Variants in CELF4 observed in about 807,000 individuals in gnomAD.
CELF4 encodes the protein CUGBP Elav-like family member 4.
A neutral mutation model predicts 59.9 loss-of-function variants in CELF4; 18 were observed. The observed-to-expected ratio is 0.30, with a 90% CI of 0.21 to 0.45. The LOEUF (loss-of-function observed/expected upper bound fraction) is 0.45. CELF4 is among the 20% of genes least tolerant of loss of function. CELF4 has a pLI of 1.00. For missense variants in CELF4, 456 were observed against 689.0 expected, an observed-to-expected ratio of 0.66 and a Z score of 3.79; for synonymous variants, 261 against 267.1, an observed-to-expected ratio of 0.98 and a Z score of 0.22.
chr18:37,313,294 G>C (rs1279191696), intron 3 of CELF4, among the ~76,000 whole-genome samples: 1 of 152,182 alleles, frequency 6.6e-6, no homozygotes, highest in East Asian at 1.9e-4. Flanking sequence ...CAGCCCTCTG[G>C]ATGTTTCTCT....
chr18:37,275,350 C>G lies in CELF4; in HGVS notation c.449-107G>C. 3.6e-5 allele frequency: 15 copies of G among 411,612 alleles called. No individual in the cohort carries two copies. The South Asian group carries it at 5.1e-4, about 14-fold the overall frequency. The allele number at this position is 411,612 out of a possible 1,614,324, so 25.5% of individuals were successfully genotyped here. ...CAGGGAAAGGGAGGAGCCGGGGAGG[C>G]GGGGCGGGGGCTCGGAGCCGGCGGG... On this transcript the variant is annotated intron_variant, in intron 3 of 12. Transcript: ENST00000420428.
At chr18:37,408,459 G>GTTTTT (rs5824056) in intron 2 of CELF4, among the ~76,000 whole-genome samples, 11 of 126,836 alleles carry the variant, frequency 8.7e-5, no homozygotes, top group Admixed American at 1.8e-4. Flanking sequence ...AATCAAGAAG[G>GTTTTT]TTTTTTTTTT....
At chr18:37,399,718 C>T (rs1207691205) in intron 2 of CELF4, among the ~76,000 whole-genome samples, 1 of 152,210 alleles carries the variant, frequency 6.6e-6, no homozygotes, top group Non-Finnish European at 1.5e-5. Flanking sequence ...TGGAGGCAGG[C>T]AGGCAAAAAT....
chr18:37,260,325 C>A (rs1317003895), intron 10 of CELF4, among the ~76,000 whole-genome samples: 1 of 152,202 alleles, frequency 6.6e-6, no homozygotes, highest in Admixed American at 6.5e-5. Context: ...TCAAAATGCT[C>A]AATTTTAACT....
chr18:37,382,401 GAC>G (rs143051901), intron 2 of CELF4, among the ~76,000 whole-genome samples: 1 of 152,146 alleles, frequency 6.6e-6, no homozygotes, highest in African/African-American at 2.4e-5. Flanking sequence ...CTGCCCTCCT[GAC>G]ACACACACAG....
chr18:37,305,747 G>A (rs2096357882), intron 3 of CELF4: 1 of 152,238 alleles, frequency 6.6e-6, no homozygotes, highest in African/African-American at 2.4e-5. Flanking sequence ...GTCATGGTCT[G>A]GGGGAAAAAG....
intron 2 of CELF4, among the ~76,000 whole-genome samples, chr18:37,341,350 G>A (rs533084823): frequency 6.6e-6 from 1 of 152,324 alleles, no homozygotes; most frequent in South Asian, 2.1e-4. Context: ...TGCTGACAGT[G>A]GGAGTGGTCT....
chr18:37,357,896 C>T (rs541721897), intron 2 of CELF4, among the ~76,000 whole-genome samples: 45 of 152,308 alleles, frequency 3.0e-4, no homozygotes, highest in African/African-American at 9.9e-4. Context: ...TGGCCAATTT[C>T]TCCCATTTGG....
chr18:37,350,111 T>C (rs1420359096), intron 2 of CELF4, among the ~76,000 whole-genome samples: 1 of 151,972 alleles, frequency 6.6e-6, no homozygotes, highest in Non-Finnish European at 1.5e-5. Context: ...CAAGAATCCA[T>C]AGAATTTTAT....
intron 1 of CELF4, among the ~76,000 whole-genome samples, chr18:37,521,806 C>A (rs1038430557): frequency 2.4e-4 from 36 of 152,320 alleles, no homozygotes; most frequent in African/African-American, 6.7e-4. Context: ...TTCATCCTGC[C>A]ATGCAGGCAG....
Position 37,266,535 on chromosome 18 carries a change from C to G in CELF4, c.1163G>C (p.Gly388Ala), listed in dbSNP as rs771714885. ...QAYAGVQQYAGPAAYPAAYGQ... is the reference protein window; with the variant it reads ...QAYAGVQQYAAPAAYPAAYGQ... ...CGTGGGGACGCGTGGATACTAACGACCTGCATACTGCTGCACTCCGGCGTA... is the reference window on the plus strand; with the variant it reads ...CGTGGGGACGCGTGGATACTAACGAGCTGCATACTGCTGCACTCCGGCGTA... The change falls in exon 9 of 13, where the codon GGT (glycine) becomes GCT (alanine). Residue 388 changes from glycine to alanine, a missense_variant and splice_region_variant. Around this residue, in one of 7 missense-constraint regions of CELF4, gnomAD observed 256 missense variants for 340.8 expected, o/e 0.75. Transcript: ENST00000420428. 2.5e-6 allele frequency: 4 copies of G among 1,593,310 alleles called. No individual in the cohort carries two copies. The highest frequency in any genetic ancestry group is 3.4e-6 in the Non-Finnish European group (4 of 1,171,418).
In CELF4 at chr18:37,557,997, C is replaced by CTTTTT. The variant is rs34181233; in HGVS notation, c.286+7354_286+7358dup. On this transcript the variant is annotated intron_variant, in intron 1 of 12. Coordinates refer to ENST00000420428, the MANE Select transcript of CELF4 (RefSeq NM_020180.4). ...GATGGTCCTGAAAACATCCCTTTTACTTTTTTTTTTTTTTTTTTTTTTGAG... is the reference window on the plus strand; with the variant it reads ...GATGGTCCTGAAAACATCCCTTTTACTTTTTTTTTTTTTTTTTTTTTTTTTTTGAG... Among the ~76,000 whole-genome samples, 78 of 100,746 alleles carry CTTTTT rather than the reference C, an allele frequency of 7.7e-4. 2 individuals are homozygous for CTTTTT. Among genetic ancestry groups the CTTTTT allele is most frequent in the Admixed American group, 9.3e-4 (7 of 7,496 alleles). The allele number at this position is 100,746 out of a possible 152,430, so 66.1% of individuals were successfully genotyped here.
At chr18:37,417,767 A>G in intron 2 of CELF4, among the ~76,000 whole-genome samples, 1 of 152,210 alleles carries the variant, frequency 6.6e-6, no homozygotes, top group East Asian at 1.9e-4. Context: ...GATCCTGACC[A>G]TGTCAACCCC....
At chr18:37,374,876 G>A (rs530464556) in intron 2 of CELF4, among the ~76,000 whole-genome samples, 9 of 152,214 alleles carry the variant, frequency 5.9e-5, no homozygotes, top group Non-Finnish European at 1.3e-4. Flanking sequence ...ATGGTGGGAG[G>A]AGGTTATGAG....
At chr18:37,550,090 G>GA (rs1555649367) in intron 1 of CELF4, among the ~76,000 whole-genome samples, 1 of 120,652 alleles carries the variant, frequency 8.3e-6, no homozygotes, top group Non-Finnish European at 1.7e-5. Flanking sequence ...GGGTGGGGGG[G>GA]GGGGATCCGT....
chr18:37,513,034 C>T (rs2099946338), intron 1 of CELF4, among the ~76,000 whole-genome samples: 1 of 152,148 alleles, frequency 6.6e-6, no homozygotes, highest in African/African-American at 2.4e-5. Flanking sequence ...ATCTCAGGGG[C>T]ACAGGAGACC....
intron 3 of CELF4, chr18:37,306,141 G>T (rs898401180): frequency 1.3e-5 from 2 of 152,248 alleles, no homozygotes; most frequent in Non-Finnish European, 1.5e-5. Flanking sequence ...GGGTCCTGGT[G>T]GGGGGCCAGG....
intron 2 of CELF4, among the ~76,000 whole-genome samples, chr18:37,330,826 C>A (rs1056100758): frequency 2.0e-5 from 3 of 152,162 alleles, no homozygotes; most frequent in African/African-American, 7.2e-5. Flanking sequence ...GAGAGAAAGG[C>A]CCTTTAATCC....
chr18:37,408,262 A>G (rs1224188969), intron 2 of CELF4, among the ~76,000 whole-genome samples: 1 of 152,120 alleles, frequency 6.6e-6, no homozygotes, highest in Non-Finnish European at 1.5e-5. Context: ...TTCTATATCC[A>G]TGATAGGAAT....
Sources: allele counts gnomAD v4.1 joint callset (sites outside exome capture counted in the v4.1 genomes callset), GRCh38; gene constraint gnomAD v4.1.1; regional missense constraint gnomAD v4.1.1; transcripts MANE v1.5; gene names NCBI Gene and HGNC (gene_info 2026-07-23, HGNC 2026-07-21).